NAALADL2: variants seen among roughly 807,000 people sequenced by gnomAD.
NAALADL2 encodes the protein inactive N-acetylated-alpha-linked acidic dipeptidase-like protein 2.
NAALADL2 carries 76 observed loss-of-function variants against 87.2 expected under a neutral mutation model. The observed-to-expected ratio is 0.87, with a 90% CI of 0.72 to 1.05. The LOEUF is 1.05. Ranked by LOEUF, NAALADL2 falls within the 50% of genes least tolerant of loss-of-function variation. The pLI, the probability that NAALADL2 is intolerant of heterozygous loss-of-function variation, is 0.00. For missense variants in NAALADL2, 1,089 were observed against 945.8 expected, an observed-to-expected ratio of 1.15 and a Z score of -1.99; for synonymous variants, 354 against 331.0, an observed-to-expected ratio of 1.07 and a Z score of -0.75.
At chr3:174,895,892 A>C (rs948731022) in intron 1 of NAALADL2, among the ~76,000 whole-genome samples, 10 of 152,160 alleles carry the variant, frequency 6.6e-5, no homozygotes, top group Non-Finnish European at 1.2e-4. Flanking sequence ...GGTTCAACAT[A>C]TGCAAATTAA....
intron 11 of NAALADL2, among the ~76,000 whole-genome samples, chr3:175,642,206 A>G (rs1312561264): frequency 1.3e-5 from 2 of 152,318 alleles, no homozygotes; most frequent in East Asian, 3.9e-4. Context: ...CTTAAACAAT[A>G]TACTATTTAG....
intron 13 of NAALADL2, among the ~76,000 whole-genome samples, chr3:175,787,675 C>T (rs985855400): frequency 2.0e-5 from 3 of 152,140 alleles, no homozygotes; most frequent in East Asian, 1.9e-4. Context: ...CCGTCTTCTG[C>T]GTCGCTCACG....
At chr3:175,063,080 T>C (rs566500316) in intron 1 of NAALADL2, among the ~76,000 whole-genome samples, 1 of 152,256 alleles carries the variant, frequency 6.6e-6, no homozygotes, top group African/African-American at 2.4e-5. Flanking sequence ...TTTTTGTTGG[T>C]GAAAACAATG....
At chr3:174,808,758 C>G (rs1162510928) in intron 3 of NAALADL2, among the ~76,000 whole-genome samples, 2 of 151,822 alleles carry the variant, frequency 1.3e-5, no homozygotes, top group East Asian at 3.9e-4. Flanking sequence ...CTTTCACAAG[C>G]AACTTTCCAA....
chr3:175,441,004 T>C (rs1719630521), intron 5 of NAALADL2, among the ~76,000 whole-genome samples: 1 of 152,172 alleles, frequency 6.6e-6, no homozygotes, highest in Non-Finnish European at 1.5e-5. Context: ...TGATTTGTGG[T>C]TTACTGATAT....
At chr3:174,913,150 A>G (rs1733924584) in intron 1 of NAALADL2, among the ~76,000 whole-genome samples, 1 of 152,180 alleles carries the variant, frequency 6.6e-6, no homozygotes, top group African/African-American at 2.4e-5. Context: ...ACTTATTGGT[A>G]TGAAAAAAGT....
At chr3:174,998,148 C>T (rs905461220) in intron 1 of NAALADL2, among the ~76,000 whole-genome samples, 1 of 152,156 alleles carries the variant, frequency 6.6e-6, no homozygotes, top group Non-Finnish European at 1.5e-5. Flanking sequence ...ATTTATTTAG[C>T]ACTACCTCTA....
intron 2 of NAALADL2, among the ~76,000 whole-genome samples, chr3:174,729,947 A>G (rs1240257721): frequency 1.3e-5 from 2 of 152,196 alleles, no homozygotes; most frequent in African/African-American, 4.8e-5. Context: ...GGCATTTGGC[A>G]AAGACAGGCT....
chr3:175,256,612 AGT>A, intron 4 of NAALADL2, 82 bp downstream of exon 4: 23 of 1,391,802 alleles, frequency 1.7e-5, no homozygotes, highest in South Asian at 2.7e-5. Context: ...GTGAGTGTGG[AGT>A]GTGTGTGTGC....
At chr3:175,200,777 T>G (rs953928848) in intron 2 of NAALADL2, among the ~76,000 whole-genome samples, 2 of 152,180 alleles carry the variant, frequency 1.3e-5, no homozygotes, top group African/African-American at 4.8e-5. Context: ...CCTGCAAACT[T>G]TTCTTGACAC....
chr3:175,718,227 T>TTTTTTGGGTTAAAA, intron 11 of NAALADL2: 1 of 1,037,686 alleles, frequency 9.6e-7, no homozygotes. Flanking sequence ...TTTTTTTGAT[T>TTTTTTGGGTTAAAA]AGTTGCTGTA....
intron 2 of NAALADL2, among the ~76,000 whole-genome samples, chr3:175,202,950 G>C (rs563271143): frequency 2.0e-5 from 3 of 152,008 alleles, no homozygotes; most frequent in Non-Finnish European, 2.9e-5. Context: ...CCAAAGGACC[G>C]GTCTTGCACC....
intron 5 of NAALADL2, among the ~76,000 whole-genome samples, chr3:175,390,261 T>C (rs1243812154): frequency 2.6e-5 from 4 of 152,176 alleles, no homozygotes; most frequent in Non-Finnish European, 5.9e-5. Flanking sequence ...AATTCCATGA[T>C]CATTTTACTG....
At chr3:174,987,613 G>C (rs955653868) in intron 1 of NAALADL2, among the ~76,000 whole-genome samples, 2 of 134,674 alleles carry the variant, frequency 1.5e-5, no homozygotes, top group Admixed American at 1.5e-4. Flanking sequence ...ACTCATCAGA[G>C]AGCATTATTA....
intron 1 of NAALADL2, among the ~76,000 whole-genome samples, chr3:174,536,930 A>T (rs1008659689): frequency 6.6e-6 from 1 of 152,188 alleles, no homozygotes; most frequent in African/African-American, 2.4e-5. Context: ...ATTTAACAAT[A>T]ATGCAAATAA....
intron 2 of NAALADL2, among the ~76,000 whole-genome samples, chr3:174,562,808 A>C (rs1408924137): frequency 6.6e-6 from 1 of 151,972 alleles, no homozygotes; most frequent in African/African-American, 2.4e-5. Flanking sequence ...TATGTATGTA[A>C]ACATTATATT....
chr3:174,804,648 C>T (rs953241970), intron 3 of NAALADL2, among the ~76,000 whole-genome samples: 1 of 151,822 alleles, frequency 6.6e-6, no homozygotes, highest in Non-Finnish European at 1.5e-5. Context: ...TCCATCAATA[C>T]CTACAGAAAT....
chr3:175,229,676 A>G (rs933752424), intron 2 of NAALADL2, among the ~76,000 whole-genome samples: 6 of 151,974 alleles, frequency 3.9e-5, no homozygotes, highest in African/African-American at 1.4e-4. Context: ...AACACTTAAT[A>G]CTATCACCTT....
At chr3:175,533,247 T>G (rs1298222446) in intron 9 of NAALADL2, among the ~76,000 whole-genome samples, 3 of 152,208 alleles carry the variant, frequency 2.0e-5, no homozygotes, top group African/African-American at 7.2e-5. Flanking sequence ...TTTCTGCTTA[T>G]ATAAGATAGA....
Sources: gnomAD v4.1 joint callset for allele counts (sites outside exome capture counted in the v4.1 genomes callset) on GRCh38, gnomAD v4.1.1 for gene constraint, MANE v1.5 for transcripts, NCBI Gene and HGNC (gene_info 2026-07-23, HGNC 2026-07-21) for gene names.